The following SMAD6 variants were observed in gnomAD, a reference collection of about 807,000 sequenced individuals.
SMAD6 encodes the protein MAD homolog 6.
SMAD6 carries 103 observed loss-of-function variants against 39.4 expected under a neutral mutation model. That is an observed-to-expected ratio of 2.62 (90% confidence interval 2.23 to 3.08). SMAD6 has a LOEUF of 3.08. Ranked by LOEUF, SMAD6 falls within the 30% of genes most tolerant of loss-of-function variation. The probability of loss-of-function intolerance (pLI) is 0.00; values close to 1 mark genes in which losing one functional copy is unlikely to be tolerated. For synonymous variants in SMAD6, 445 were observed against 353.3 expected, an observed-to-expected ratio of 1.26 and a Z score of -2.91; for missense variants, 1,104 against 742.9, an observed-to-expected ratio of 1.49 and a Z score of -5.65.
chr15:66,720,912 G>A (rs897213138), intron 3 of SMAD6, among the ~76,000 whole-genome samples: 6 of 152,142 alleles, frequency 3.9e-5, no homozygotes, highest in African/African-American at 1.2e-4. Context: ...ACAGCATGTG[G>A]GTTTCTTTAG....
chr15:66,762,118 G>GA (rs941649875), intron 3 of SMAD6, among the ~76,000 whole-genome samples: 6 of 152,276 alleles, frequency 3.9e-5, no homozygotes, highest in Admixed American at 6.5e-5. Context: ...TGATGTGAGA[G>GA]AAAAAAATAA....
intron 3 of SMAD6, among the ~76,000 whole-genome samples, chr15:66,775,135 T>G (rs903450609): frequency 2.0e-5 from 3 of 152,096 alleles, no homozygotes; most frequent in Non-Finnish European, 2.9e-5. Flanking sequence ...GTGCTGAGAT[T>G]ACAGGCATGA....
intron 3 of SMAD6, among the ~76,000 whole-genome samples, chr15:66,764,676 C>T (rs1285016957): frequency 6.6e-6 from 1 of 151,976 alleles, no homozygotes; most frequent in Non-Finnish European, 1.5e-5. Context: ...TGTGTATGGG[C>T]CCAGAGGAGG....
At chr15:66,724,125 G>T (rs1893481204) in intron 3 of SMAD6, among the ~76,000 whole-genome samples, 1 of 152,174 alleles carries the variant, frequency 6.6e-6, no homozygotes, top group Non-Finnish European at 1.5e-5. Flanking sequence ...GGAGGAATGG[G>T]GAAAGATGAA....
At chr15:66,718,110 C>CTGTGTG (rs1390215623) in intron 3 of SMAD6, among the ~76,000 whole-genome samples, 209 of 72,462 alleles carry the variant, frequency 2.9e-3, no homozygotes, top group Middle Eastern at 0.011. Flanking sequence ...GATGGAAAGT[C>CTGTGTG]CGTGTGTGTG....
chr15:66,741,806 G>T (rs1893820110), intron 3 of SMAD6, among the ~76,000 whole-genome samples: 1 of 152,220 alleles, frequency 6.6e-6, no homozygotes, highest in Non-Finnish European at 1.5e-5. Context: ...TGCCCCGAGA[G>T]ATTCCAATTG....
intron 3 of SMAD6, among the ~76,000 whole-genome samples, chr15:66,717,960 T>A (rs931870277): frequency 2.0e-5 from 3 of 152,210 alleles, no homozygotes; most frequent in Non-Finnish European, 2.9e-5. Flanking sequence ...AAGCCACATA[T>A]AATTTTGAAG....
intron 3 of SMAD6, among the ~76,000 whole-genome samples, chr15:66,745,261 G>T (rs774336049): frequency 9.9e-5 from 15 of 152,078 alleles, no homozygotes; most frequent in Non-Finnish European, 2.2e-4. Context: ...TTTAAAATCC[G>T]GAGTTCTAGC....
At chr15:66,764,750 A>G (rs969991136) in intron 3 of SMAD6, among the ~76,000 whole-genome samples, 6 of 152,194 alleles carry the variant, frequency 3.9e-5, no homozygotes, top group Admixed American at 2.6e-4. Flanking sequence ...CGTCCTTGCT[A>G]TGATAGGTTG....
chr15:66,764,375 TTATTG>T (rs1161717252), intron 3 of SMAD6, among the ~76,000 whole-genome samples: 9 of 152,202 alleles, frequency 5.9e-5, no homozygotes, highest in African/African-American at 2.2e-4. Context: ...TAATGGTACT[TTATTG>T]TATGTGCACA....
At chr15:66,731,260 A>G (rs1215455735) in intron 3 of SMAD6, among the ~76,000 whole-genome samples, 1 of 151,568 alleles carries the variant, frequency 6.6e-6, no homozygotes, top group Non-Finnish European at 1.5e-5. Context: ...AAAACGGTGA[A>G]ACCCCGTCTC....
At chr15:66,762,439 C>T (rs1315604293) in intron 3 of SMAD6, among the ~76,000 whole-genome samples, 1 of 151,954 alleles carries the variant, frequency 6.6e-6, no homozygotes, top group African/African-American at 2.4e-5. Context: ...AAACATCCTA[C>T]CCACTCTTTC....
intron 3 of SMAD6, among the ~76,000 whole-genome samples, chr15:66,731,411 C>A (rs1003294639): frequency 2.2e-5 from 3 of 139,352 alleles, no homozygotes; most frequent in African/African-American, 8.3e-5. Context: ...GCACTCCAGC[C>A]TGGGCAACAG....
rs1029026660 is a variant in SMAD6 at position 66,780,856 on chromosome 15, C to T, written c.953-141C>T. The T allele has an allele frequency of 2.2e-5, 16 of 741,652 alleles. No individual in the cohort carries two copies. The Admixed American group carries it at 4.6e-4, about 21-fold the overall frequency. The allele number at this position is 741,652 out of a possible 1,614,324, so 45.9% of individuals were successfully genotyped here. A position where few individuals can be genotyped will look rare whatever the true frequency, so the allele number is the denominator to read the frequency against. ...GCCATATTTCCTGAGGACAACCTGGCACACGGTGCCCACATGACTGCTGAA... is the reference window on the plus strand; with the variant it reads ...GCCATATTTCCTGAGGACAACCTGGTACACGGTGCCCACATGACTGCTGAA... On this transcript the variant is annotated intron_variant, in intron 3 of 3. Transcript: ENST00000288840.
At chr15:66,711,872 A>G (rs961796341) in intron 2 of SMAD6, 148 bp downstream of exon 2, 54 of 670,726 alleles carry the variant, frequency 8.1e-5, no homozygotes, top group Admixed American at 3.4e-4. Flanking sequence ...AATGGGGTGA[A>G]GTTGTACAAA....
At chr15:66,780,969 C>A (rs753266540) in intron 3 of SMAD6, 28 bp from the exon 4 acceptor site, 3 of 1,522,600 alleles carry the variant, frequency 2.0e-6, no homozygotes, top group Admixed American at 1.9e-5. Flanking sequence ...CCCAGAATAA[C>A]GCGGCGGTCC....
At chr15:66,738,808 G>C (rs767761568) in intron 3 of SMAD6, among the ~76,000 whole-genome samples, 1 of 152,184 alleles carries the variant, frequency 6.6e-6, no homozygotes, top group Non-Finnish European at 1.5e-5. Flanking sequence ...TTGGCAGTTT[G>C]AGGGCATCTA....
chr15:66,742,021 C>T (rs1363043733), intron 3 of SMAD6, among the ~76,000 whole-genome samples: 2 of 152,222 alleles, frequency 1.3e-5, no homozygotes, highest in Non-Finnish European at 2.9e-5. Context: ...TGCCCTGTTT[C>T]CCTGCAACTT....
intron 3 of SMAD6, among the ~76,000 whole-genome samples, chr15:66,763,530 T>G (rs1021905759): frequency 6.6e-5 from 10 of 152,192 alleles, no homozygotes; most frequent in Non-Finnish European, 1.2e-4. Flanking sequence ...TCTGGGGCCT[T>G]GCAGTCTGTC....
Sources: gnomAD v4.1 joint callset for allele counts (sites outside exome capture counted in the v4.1 genomes callset) on GRCh38, gnomAD v4.1.1 for gene constraint, MANE v1.5 for transcripts, NCBI Gene and HGNC (gene_info 2026-07-23, HGNC 2026-07-21) for gene names.